CNTNAP3: variants seen among roughly 807,000 people sequenced by gnomAD.
CNTNAP3 encodes contactin associated protein family member 3.
CNTNAP3 carries 36 observed loss-of-function variants against 92.1 expected under a neutral mutation model. The ratio of observed to expected loss-of-function variants is 0.39; its 90% CI spans 0.30 to 0.52. The LOEUF (loss-of-function observed/expected upper bound fraction) is 0.52. Among genes scored for constraint, CNTNAP3 ranks in the 20% least tolerant of loss-of-function variants. The pLI is 0.76. For missense variants in CNTNAP3, 534 were observed against 1,069.6 expected (o/e 0.50, Z 6.98); for synonymous variants, 232 against 422.3 (o/e 0.55, Z 5.53).
chr9:39,070,863 T>C lies in CNTNAP3; in HGVS notation c.*3027A>G, dbSNP rs1825622373. Among the ~76,000 whole-genome samples the C allele has an allele frequency of 6.6e-6, 1 of 152,362 alleles. No homozygotes were observed. Among genetic ancestry groups the C allele is most frequent in the Non-Finnish European group, 1.5e-5 (1 of 68,000 alleles). On this transcript the variant is annotated 3_prime_UTR_variant, in exon 24 of 24. Transcript: ENST00000297668. ...CCATCAAATATTCTTTCAGAGAAGA[T>C]GTGAACAAAGATCCAGAATTATTGG...
At chr9:39,113,993 C>T (rs1417441687) in intron 14 of CNTNAP3, among the ~76,000 whole-genome samples, 5 of 145,548 alleles carry the variant, frequency 3.4e-5, no homozygotes, top group Admixed American at 6.8e-5. Flanking sequence ...CATATATATA[C>T]ACACACACAT....
In CNTNAP3 at chr9:39,146,254, TGAG is replaced by T. The variant is rs1278215085; in HGVS notation, c.1650-1911_1650-1909del. Among the ~76,000 whole-genome samples, 4 of 151,480 alleles carry T rather than the reference TGAG, an allele frequency of 2.6e-5. No individual in the cohort carries two copies. The East Asian group carries it at 7.8e-4, about 30-fold the overall frequency. On this transcript the variant is annotated intron_variant, in intron 10 of 23. Coordinates refer to ENST00000297668, the MANE Select transcript of CNTNAP3 (RefSeq NM_033655.5). ...CAGCAGCCTGGTCAGCACAGCCAGG[TGAG>T]GAGGTGACGGAGGCCTCCCTGCTCA...
Position 39,179,286 on chromosome 9 carries a change from T to TACACACACACACACAC in CNTNAP3, c.539-942_539-927dup, listed in dbSNP as rs4057871. Among the ~76,000 whole-genome samples, 230 of 80,740 alleles carry TACACACACACACACAC rather than the reference T, an allele frequency of 2.8e-3. 3 individuals are homozygous for TACACACACACACACAC. The highest frequency in any genetic ancestry group is 0.011 in the East Asian group (26 of 2,424). The allele number at this position is 80,740 out of a possible 152,430, so 53.0% of individuals were successfully genotyped here. A position where few individuals can be genotyped will look rare whatever the true frequency, so the allele number is the denominator to read the frequency against. On this transcript the variant is annotated intron_variant, in intron 4 of 23. Coordinates refer to ENST00000297668, the MANE Select transcript of CNTNAP3 (RefSeq NM_033655.5). ...AATTCCTTAAAACTCTCTCTCTCTC[T>TACACACACACACACAC]ACACACACACACACACACACACACA...
At chr9:39,137,962 C>T (rs904190436) in intron 12 of CNTNAP3, among the ~76,000 whole-genome samples, 2 of 151,678 alleles carry the variant, frequency 1.3e-5, no homozygotes, top group Non-Finnish European at 1.5e-5. Context: ...CAGGCTCAAG[C>T]GATCCTCCCA....
At chr9:39,140,233 C>T (rs545329416) in intron 12 of CNTNAP3, among the ~76,000 whole-genome samples, 49 of 147,844 alleles carry the variant, frequency 3.3e-4, no homozygotes, top group African/African-American at 1.1e-3. Flanking sequence ...TGTAAATTAC[C>T]GAATCAGAGG....
chr9:39,138,743 T>C (rs1228594969), intron 12 of CNTNAP3, among the ~76,000 whole-genome samples: 1 of 152,218 alleles, frequency 6.6e-6, no homozygotes, highest in Non-Finnish European at 1.5e-5. Context: ...CATCCAACAA[T>C]TCGTCAATTA....
At chr9:39,277,963 T>C (rs1306627695) in intron 1 of CNTNAP3, among the ~76,000 whole-genome samples, 1 of 16,964 alleles carries the variant, frequency 5.9e-5, no homozygotes, top group African/African-American at 1.7e-4. Context: ...GGCATTCAAT[T>C]AGGAAAAGAG....
rs143379246 is a variant in CNTNAP3, at chr9:39,138,444, T to G, written c.1876+2075A>C. Among the ~76,000 whole-genome samples, 1,227 of 152,266 alleles carry G rather than the reference T, an allele frequency of 8.1e-3. 2 individuals carry two copies. The highest frequency in any genetic ancestry group is 0.02 in the Middle Eastern group (6 of 294). ...TCCTTCCTCCAGGCAGGTTAGGCTC[T>G]GAAAACAAAAAACAAAACAAAACAA... On this transcript the variant is annotated intron_variant, in intron 12 of 23. Transcript: ENST00000297668.
rs375270650 is a variant in CNTNAP3 at position 39,145,033 on chromosome 9, T to G, written c.1650-687A>C. Reference sequence around the variant, plus strand: ...AGGGACCCTGAACTAGCCAAAACAATCTTGAAAAAGAACAGTTGGAGGTCT... The same window carrying G: ...AGGGACCCTGAACTAGCCAAAACAAGCTTGAAAAAGAACAGTTGGAGGTCT... On this transcript the variant is annotated intron_variant, in intron 10 of 23. Coordinates refer to ENST00000297668, the MANE Select transcript of CNTNAP3 (RefSeq NM_033655.5). 1.6e-4 allele frequency among the ~76,000 whole-genome samples: 23 copies of G among 140,654 alleles called. 2 individuals carry two copies. In the East Asian group the frequency reaches 2.3e-3, roughly 14 times the overall value. The allele number at this position is 140,654 out of a possible 152,430, so 92.3% of individuals were successfully genotyped here.
At chr9:39,090,088 C>T (rs112755546) in intron 18 of CNTNAP3, among the ~76,000 whole-genome samples, 3,430 of 152,080 alleles carry the variant, frequency 0.023, 138 homozygotes, top group African/African-American at 0.076. Context: ...TACAGGCGCC[C>T]GCCACTACGC....
Position 39,066,491 on chromosome 9 carries a change from T to C in CNTNAP3, c.*7399A>G, listed in dbSNP as rs1368496354. ...CTATCTGCACAAAGATATTATTCTT[T>C]ATTTTCCTTCTTCCTGAAAGGCTTT... On this transcript the variant is annotated 3_prime_UTR_variant, in exon 24 of 24. Coordinates refer to ENST00000297668, the MANE Select transcript of CNTNAP3 (RefSeq NM_033655.5). Among the ~76,000 whole-genome samples, 3 of 152,252 alleles carry C rather than the reference T, an allele frequency of 2.0e-5. No homozygotes were observed. Among genetic ancestry groups the C allele is most frequent in the Non-Finnish European group, 4.4e-5 (3 of 68,036 alleles).
At chr9:39,149,568 G>A (rs1485009614) in intron 10 of CNTNAP3, among the ~76,000 whole-genome samples, 1 of 151,360 alleles carries the variant, frequency 6.6e-6, no homozygotes, top group African/African-American at 2.4e-5. Flanking sequence ...ATGTTAGCCA[G>A]GATGAAGTTG....
intron 12 of CNTNAP3, among the ~76,000 whole-genome samples, chr9:39,136,840 T>C (rs1452001845): frequency 1.3e-5 from 2 of 152,088 alleles, no homozygotes; most frequent in African/African-American, 4.8e-5. Flanking sequence ...GGCGGAGTTG[T>C]GGTGAGCCAA....
rs1270427794 is a variant in CNTNAP3 at position 39,100,046 on chromosome 9, C to A, written c.2860G>T (p.Val954Leu). 2.5e-6 allele frequency: 4 copies of A among 1,582,684 alleles called. No homozygotes were observed. In the Admixed American group the frequency reaches 7.2e-5, roughly 29 times the overall value. The change falls in exon 18 of 24, where the codon GTG (valine) becomes TTG (leucine). Residue 954 changes from valine (V) to leucine (L), a missense_variant. By Grantham distance (32) the Val-to-Leu change is conservative. Coordinates refer to ENST00000297668, the MANE Select transcript of CNTNAP3 (RefSeq NM_033655.5). ...LEERATVTPG[V>L]EPGCAGHCST... Reference sequence around the variant, plus strand: ...CAGTGTCCTGCACACCCTGGCTCCACTCCTGGCGTCACTGTGGCTCTTTCT... The same window carrying A: ...CAGTGTCCTGCACACCCTGGCTCCAATCCTGGCGTCACTGTGGCTCTTTCT...
chr9:39,159,432 C>A lies in CNTNAP3; in HGVS notation c.1477+6501G>T, dbSNP rs1214167143. 1.5e-4 allele frequency: 20 copies of A among 131,398 alleles called. 1 individual carries two copies. Among genetic ancestry groups the A allele is most frequent in the Non-Finnish European group, 2.8e-4 (17 of 61,808 alleles). 8.1% of individuals were successfully genotyped at this position (131,398 alleles called of 1,614,324 possible). On this transcript the variant is annotated intron_variant, in intron 9 of 23. Coordinates refer to ENST00000297668, the MANE Select transcript of CNTNAP3 (RefSeq NM_033655.5). ...ATATATTTTTTTTTCCAGTGATTAT[C>A]CTGCCTCAGCCTCCCAAGTAGCTGG...
Position 39,099,988 on chromosome 9 carries a change from C to G in CNTNAP3, c.2918G>C (p.Gly973Ala). The change falls in exon 18 of 24, where the codon GGG (glycine) becomes GCG (alanine). Residue 973 changes from glycine (G) to alanine (A), a missense_variant. Gly to Ala is a moderately conservative substitution (Grantham distance 60, BLOSUM62 0). Coordinates refer to ENST00000297668, the MANE Select transcript of CNTNAP3 (RefSeq NM_033655.5). Reference protein sequence around the residue: ...STYGHLCRNGGRCREKRRGVT... With the variant: ...STYGHLCRNGARCREKRRGVT... ...CCCCCTGCGTTTCTCTCTGCATCTC[C>G]CTCCATTGCGACACAAGTGTCCATA... 6.3e-7 allele frequency: 1 copy of G among 1,596,066 alleles called. No individual in the cohort carries two copies. The highest frequency in any genetic ancestry group is 2.3e-5 in the East Asian group (1 of 44,236).
chr9:39,148,461 T>C lies in CNTNAP3; in HGVS notation c.1649+1345A>G, dbSNP rs183085317. Among the ~76,000 whole-genome samples, 731 of 152,228 alleles carry C rather than the reference T, an allele frequency of 4.8e-3. 6 individuals are homozygous for C. Among genetic ancestry groups the C allele is most frequent in the African/African-American group, 0.017 (699 of 41,542 alleles). On this transcript the variant is annotated intron_variant, in intron 10 of 23. Transcript: ENST00000297668. ...TTTACAGTTAATGTTTAAAACAGAA[T>C]TGACTAACTGAATTTACTCCATGAA...
At chr9:39,150,100 C>A in intron 9 of CNTNAP3, 123 bp from the exon 10 acceptor site, 2 of 665,486 alleles carry the variant, frequency 3.0e-6, no homozygotes, top group South Asian at 3.9e-5. Context: ...CGATGAGCTT[C>A]ACCATTCATT....
chr9:39,086,462 G>A, intron 20 of CNTNAP3: 1 of 467,570 alleles, frequency 2.1e-6, no homozygotes. Flanking sequence ...TAGATATTTT[G>A]ATATTTTAAA....
Sources: allele counts gnomAD v4.1 joint callset (sites outside exome capture counted in the v4.1 genomes callset), GRCh38; gene constraint gnomAD v4.1.1; transcripts MANE v1.5; gene names NCBI Gene and HGNC (gene_info 2026-07-23, HGNC 2026-07-21).